The following JAKMIP1 variants were observed in gnomAD, a reference collection of about 807,000 sequenced individuals.
The protein encoded by JAKMIP1 is janus kinase and microtubule-interacting protein 1.
A neutral mutation model predicts 113.0 loss-of-function variants in JAKMIP1; 33 were observed. That is an observed-to-expected ratio of 0.29 (90% CI 0.22 to 0.39). The LOEUF (loss-of-function observed/expected upper bound fraction) is 0.39. Ranked by LOEUF, JAKMIP1 falls within the 10% of genes least tolerant of loss-of-function variation. The pLI, the probability that JAKMIP1 is intolerant of heterozygous loss-of-function variation, is 1.00. For missense variants in JAKMIP1, 813 were observed against 1,080.5 expected (o/e 0.75, Z 3.47); for synonymous variants, 480 against 459.9 (o/e 1.04, Z -0.56).
chr4:6,072,734 G>C (rs1560142512), intron 8 of JAKMIP1, among the ~76,000 whole-genome samples: 1 of 152,224 alleles, frequency 6.6e-6, no homozygotes, highest in East Asian at 1.9e-4. Context: ...AGGCAGCCTA[G>C]GAATAAGATC....
chr4:6,098,989 C>T (rs1329202588), intron 3 of JAKMIP1, among the ~76,000 whole-genome samples: 1 of 152,158 alleles, frequency 6.6e-6, no homozygotes, highest in Non-Finnish European at 1.5e-5. Context: ...GAAATTCATT[C>T]ATTTTCTTGC....
rs1209982981 is a variant in JAKMIP1 at position 6,142,039 on chromosome 4, T to C, written c.-147-29042A>G. On this transcript the variant is annotated intron_variant, in intron 1 of 20. Transcript: ENST00000409021. This position sits in a 1 kb window ranked among gnomAD's most constrained non-coding sequence, Gnocchi z 5.5. ...ACTGTGAACACTCTACTGACTTCCT[T>C]CTGGGCTGCTTTTCCAGGGGCAGTT... 7.0e-6 allele frequency among the ~76,000 whole-genome samples: 1 copy of C among 143,068 alleles called. No homozygotes were observed. The highest frequency in any genetic ancestry group is 2.6e-5 in the African/African-American group (1 of 39,126). The allele number at this position is 143,068 out of a possible 152,430, so 93.9% of individuals were successfully genotyped here.
chr4:6,063,008 G>A (rs993533559), intron 9 of JAKMIP1, among the ~76,000 whole-genome samples: 3 of 152,190 alleles, frequency 2.0e-5, no homozygotes, highest in African/African-American at 4.8e-5. Flanking sequence ...TGGTTATGGT[G>A]GTGGGCACCT....
At chr4:6,172,655 G>C (rs755379082) in intron 1 of JAKMIP1, among the ~76,000 whole-genome samples, 58 of 152,210 alleles carry the variant, frequency 3.8e-4, no homozygotes, top group Non-Finnish European at 2.4e-4. Flanking sequence ...TCCCCAAAGT[G>C]ACCTTCTGTC....
chr4:6,109,962 A>G (rs1578260421), intron 2 of JAKMIP1, among the ~76,000 whole-genome samples: 2 of 138,776 alleles, frequency 1.4e-5, no homozygotes, highest in Admixed American at 1.4e-4. Flanking sequence ...TGAGAAAATA[A>G]TCAGCCAGCG....
Position 6,178,096 on chromosome 4 carries a change from C to G in JAKMIP1, c.-148+22157G>C, listed in dbSNP as rs1725577293. Among the ~76,000 whole-genome samples, 1 of 152,230 alleles carries G rather than the reference C, an allele frequency of 6.6e-6. No individual in the cohort carries two copies. The highest frequency in any genetic ancestry group is 1.5e-5 in the Non-Finnish European group (1 of 68,048). On this transcript the variant is annotated intron_variant, in intron 1 of 20. Coordinates refer to ENST00000409021, the MANE Select transcript of JAKMIP1 (RefSeq NM_001099433.2). The surrounding 1 kb of genome is among the most constrained non-coding windows in gnomAD (Gnocchi z 5.5). Reference sequence around the variant, plus strand: ...GCCACGCCCACTTCATGCTTCCTGTCCCCGACCCTCCTCCCTGGAGGGGAG... The same window carrying G: ...GCCACGCCCACTTCATGCTTCCTGTGCCCGACCCTCCTCCCTGGAGGGGAG...
chr4:6,044,068 C>T lies in JAKMIP1; in HGVS notation c.2029-1841G>A, dbSNP rs1282843810. Reference sequence around the variant, plus strand: ...AGCTAGCATCACTCAGTCTTCAGGCCCTGAGCTAGCTGTCACCTCCTCCAG... The same window carrying T: ...AGCTAGCATCACTCAGTCTTCAGGCTCTGAGCTAGCTGTCACCTCCTCCAG... On this transcript the variant is annotated intron_variant, in intron 16 of 20. Coordinates refer to ENST00000409021, the MANE Select transcript of JAKMIP1 (RefSeq NM_001099433.2). The surrounding 1 kb of genome is among the most constrained non-coding windows in gnomAD (Gnocchi z 4.4). Among the ~76,000 whole-genome samples the T allele has an allele frequency of 2.0e-5, 3 of 152,026 alleles. No homozygotes were observed. The highest frequency in any genetic ancestry group is 6.5e-5 in the Admixed American group (1 of 15,272).
intron 16 of JAKMIP1, among the ~76,000 whole-genome samples, chr4:6,045,172 G>C (rs1321321462): frequency 6.6e-6 from 1 of 152,280 alleles, no homozygotes. Context: ...CTATGGCTCA[G>C]ACCTATGCCT....
At chr4:6,173,982 T>G (rs1725045129) in intron 1 of JAKMIP1, among the ~76,000 whole-genome samples, 1 of 151,934 alleles carries the variant, frequency 6.6e-6, no homozygotes, top group Admixed American at 6.6e-5. Context: ...GACAGGACAA[T>G]CGCTTGAACC....
chr4:6,109,816 C>G (rs1714622780), intron 2 of JAKMIP1, among the ~76,000 whole-genome samples: 1 of 152,142 alleles, frequency 6.6e-6, no homozygotes, highest in South Asian at 2.1e-4. Context: ...AGTAACACTT[C>G]AATGCAATTG....
chr4:6,144,204 G>A (rs1720532479), intron 1 of JAKMIP1, among the ~76,000 whole-genome samples: 1 of 152,206 alleles, frequency 6.6e-6, no homozygotes, highest in African/African-American at 2.4e-5. Flanking sequence ...AGGTAAAACT[G>A]TAATGCCACA....
intron 1 of JAKMIP1, among the ~76,000 whole-genome samples, chr4:6,182,762 C>T (rs539805476): frequency 3.9e-5 from 6 of 152,232 alleles, no homozygotes; most frequent in South Asian, 4.1e-4. Flanking sequence ...CCTGGGCCAG[C>T]GGGGAGCCCC....
chr4:6,173,537 A>T (rs1369695302), intron 1 of JAKMIP1, among the ~76,000 whole-genome samples: 1 of 152,198 alleles, frequency 6.6e-6, no homozygotes, highest in African/African-American at 2.4e-5. Context: ...ACACCTTTTT[A>T]AAAATGTCTT....
intron 18 of JAKMIP1, among the ~76,000 whole-genome samples, chr4:6,038,363 T>A (rs1713842089): frequency 8.7e-6 from 1 of 114,332 alleles, no homozygotes; most frequent in Non-Finnish European, 1.7e-5. Context: ...CCAGTAGCCC[T>A]CCGTCACTGA....
At position 6,076,809 on chromosome 4, in the gene JAKMIP1, A is replaced by G. The variant is rs528946567; in HGVS notation, c.1302+2130T>C. On this transcript the variant is annotated intron_variant, in intron 8 of 20. Transcript: ENST00000409021. This position sits in a 1 kb window ranked among gnomAD's most constrained non-coding sequence, Gnocchi z 4.8. ...CATTTGTTTCATATACACTTTATAT[A>G]TAATACATAGCCTGAAGGGAATTGT... Among the ~76,000 whole-genome samples, 1 of 152,358 alleles carries G rather than the reference A, an allele frequency of 6.6e-6. No individual in the cohort carries two copies. Among genetic ancestry groups the G allele is most frequent in the South Asian group, 2.1e-4 (1 of 4,822 alleles).
intron 1 of JAKMIP1, among the ~76,000 whole-genome samples, chr4:6,123,082 A>C (rs963285445): frequency 2.6e-5 from 4 of 152,250 alleles, no homozygotes; most frequent in African/African-American, 9.6e-5. Flanking sequence ...ATAATTTAGG[A>C]AATGCAAAAG....
In JAKMIP1 at chr4:6,148,884, A is replaced by C. The variant is rs185684613; in HGVS notation, c.-147-35887T>G. On this transcript the variant is annotated intron_variant, in intron 1 of 20. Transcript: ENST00000409021. ...TGGACATCCACGCACAGGCATGTAG[A>C]AAAAAGGAGGAGTATTTTCTAGCCA... is the stretch of plus-strand genomic sequence containing the variant. 5.9e-5 allele frequency among the ~76,000 whole-genome samples: 9 copies of C among 152,334 alleles called. No homozygotes were observed. The East Asian group carries it at 1.5e-3, about 26-fold the overall frequency.
In JAKMIP1 at chr4:6,061,110, C is replaced by T. The variant is rs1352895276; in HGVS notation, c.1561-603G>A. On this transcript the variant is annotated intron_variant, in intron 10 of 20. Coordinates refer to ENST00000409021, the MANE Select transcript of JAKMIP1 (RefSeq NM_001099433.2). This position sits in a 1 kb window ranked among gnomAD's most constrained non-coding sequence, Gnocchi z 5.3. Reference sequence around the variant, plus strand: ...AGACACTGCTACCCAGCAGCAGCCACAAGAAATGGGACGCCTGTTGCTGCC... The same window carrying T: ...AGACACTGCTACCCAGCAGCAGCCATAAGAAATGGGACGCCTGTTGCTGCC... 3.3e-5 allele frequency among the ~76,000 whole-genome samples: 5 copies of T among 152,244 alleles called. No individual in the cohort carries two copies. Among genetic ancestry groups the T allele is most frequent in the Admixed American group, 1.3e-4 (2 of 15,292 alleles).
chr4:6,114,762 T>TA (rs773377976), intron 1 of JAKMIP1, among the ~76,000 whole-genome samples: 5 of 152,346 alleles, frequency 3.3e-5, no homozygotes, highest in Admixed American at 1.3e-4. Context: ...TAGAGCTTGA[T>TA]ACATAATTCA....
Sources: allele counts gnomAD v4.1 joint callset (sites outside exome capture counted in the v4.1 genomes callset), GRCh38; gene constraint gnomAD v4.1.1; non-coding constraint Gnocchi (gnomAD v3.1); transcripts MANE v1.5; gene names NCBI Gene and HGNC (gene_info 2026-07-23, HGNC 2026-07-21).